The following PCDHGC3 variants were observed in gnomAD, a reference collection of about 807,000 sequenced individuals.
PCDHGC3 encodes protocadherin gamma-C3.
PCDHGC3 carries 26 observed loss-of-function variants against 59.2 expected under a neutral mutation model. That is an observed-to-expected ratio of 0.44 (90% confidence interval 0.32 to 0.61). The LOEUF is 0.61. PCDHGC3 is among the 20% of genes least tolerant of loss of function. The probability of loss-of-function intolerance (pLI) is 0.05; values close to 1 mark genes in which losing one functional copy is unlikely to be tolerated. For synonymous variants in PCDHGC3, 487 were observed against 519.7 expected (o/e 0.94, Z 0.86); for missense variants, 1,080 against 1,221.8 (o/e 0.88, Z 1.73).
Position 141,476,373 on chromosome 5 carries a change from T to C in PCDHGC3, c.257T>C (p.Met86Thr). 1 of 1,614,054 alleles carries C rather than the reference T, an allele frequency of 6.2e-7. No individual in the cohort carries two copies. Among genetic ancestry groups the C allele is most frequent in the Non-Finnish European group, 8.5e-7 (1 of 1,180,020 alleles). The change falls in exon 1 of 4, where the codon ATG becomes ACG. Residue 86 changes from methionine (M) to threonine (T), a missense_variant. Met to Thr is a moderately conservative substitution (Grantham distance 81). Transcript: ENST00000308177. This position sits in a 1 kb window ranked among gnomAD's most constrained non-coding sequence, Gnocchi z 7.6. ...GAGGTGAACCGGGAGACCGGAGAGA[T>C]GTTTGTGAACGACCGTCTGGATCGA... Reference protein sequence around the residue: ...FFEVNRETGEMFVNDRLDREE... With the variant: ...FFEVNRETGETFVNDRLDREE...
At chr5:141,505,767 AGGTCCTAGCTCT>A (rs2099848180) in intron 3 of PCDHGC3, among the ~76,000 whole-genome samples, 1 of 151,756 alleles carries the variant, frequency 6.6e-6, no homozygotes, top group Non-Finnish European at 1.5e-5. Context: ...AGTGTAGCTC[AGGTCCTAGCTCT>A]GCTACTATCC....
chr5:141,499,253 T>C (rs1189676230), intron 2 of PCDHGC3, among the ~76,000 whole-genome samples: 1 of 152,030 alleles, frequency 6.6e-6, no homozygotes, highest in Non-Finnish European at 1.5e-5. Context: ...ACAAAGAGTC[T>C]CCATTTGGTC....
Position 141,478,385 on chromosome 5 carries a change from T to C in PCDHGC3, c.2269T>C (p.Tyr757His), listed in dbSNP as rs919846683. ...GGGAGGCCTGATGTCGCCGCACCTT[T>C]ACCATCAGGTGTATCTCACCACGGA... The part of the protein sequence containing the change: ...VRGGLMSPHL[Y>H]HQVYLTTDSR... The change falls in exon 1 of 4, where the codon TAC becomes CAC. Residue 757 changes from tyrosine to histidine, a missense_variant. Coordinates refer to ENST00000308177, the MANE Select transcript of PCDHGC3 (RefSeq NM_002588.4). 6.2e-7 allele frequency: 1 copy of C among 1,613,628 alleles called. No homozygotes were observed. Among genetic ancestry groups the C allele is most frequent in the Non-Finnish European group, 8.5e-7 (1 of 1,180,016 alleles).
chr5:141,508,077 G>T (rs1166570509), intron 3 of PCDHGC3: 1 of 152,446 alleles, frequency 6.6e-6, no homozygotes, highest in Non-Finnish European at 1.5e-5. Context: ...GGCTACTCTG[G>T]AGTTGCTGCC....
rs573088236 is a variant in PCDHGC3, at chr5:141,489,279, G to A, written c.2431-5528G>A. On this transcript the variant is annotated intron_variant, in intron 1 of 3. Coordinates refer to ENST00000308177, the MANE Select transcript of PCDHGC3 (RefSeq NM_002588.4). This position sits in a 1 kb window ranked among gnomAD's most constrained non-coding sequence, Gnocchi z 4.5. Reference sequence around the variant, plus strand: ...CACTCCCACAGCTCGCTGGGAAATGGCAAGTGCTGTGCATGTTGTCCTTGT... The same window carrying A: ...CACTCCCACAGCTCGCTGGGAAATGACAAGTGCTGTGCATGTTGTCCTTGT... The A allele has an allele frequency of 6.4e-7, 1 of 1,562,030 alleles. No individual in the cohort carries two copies. Among genetic ancestry groups the A allele is most frequent in the East Asian group, 2.2e-5 (1 of 44,522 alleles).
chr5:141,478,307 G>T lies in PCDHGC3; in HGVS notation c.2191G>T (p.Val731Leu). The T allele has an allele frequency of 1.9e-6, 3 of 1,614,056 alleles. No homozygotes were observed. Among genetic ancestry groups the T allele is most frequent in the Non-Finnish European group, 2.5e-6 (3 of 1,180,032 alleles). ...GTCTAGAGACCTATACCGAGCCCCG[G>T]TGAGCTCACTGTACCGAACACCAGG... ...KQSRDLYRAP[V>L]SSLYRTPGPS... The change falls in exon 1 of 4, where the codon GTG becomes TTG. Residue 731 changes from valine to leucine, a missense_variant. Val to Leu is a conservative substitution (Grantham distance 32). Transcript: ENST00000308177.
Position 141,489,089 on chromosome 5 carries a change from A to G in PCDHGC3, c.2431-5718A>G. 5.6e-5 allele frequency: 16 copies of G among 284,404 alleles called. No individual in the cohort carries two copies. The highest frequency in any genetic ancestry group is 9.0e-5 in the Non-Finnish European group (14 of 156,416). The allele number at this position is 284,404 out of a possible 1,614,324, so 17.6% of individuals were successfully genotyped here. On this transcript the variant is annotated intron_variant, in intron 1 of 3. Coordinates refer to ENST00000308177, the MANE Select transcript of PCDHGC3 (RefSeq NM_002588.4). The surrounding 1 kb of genome is among the most constrained non-coding windows in gnomAD (Gnocchi z 4.5). ...CCCTGCCCACCCCCGCCACTCGGTG[A>G]CTAAGAACTGCTGCAAGCAGGCAAA...
intron 1 of PCDHGC3, among the ~76,000 whole-genome samples, chr5:141,481,300 GA>G (rs998363845): frequency 3.3e-5 from 5 of 152,248 alleles, no homozygotes; most frequent in African/African-American, 1.2e-4. Context: ...TCATCTAAGG[GA>G]AAAACCTTCC....
intron 2 of PCDHGC3, among the ~76,000 whole-genome samples, chr5:141,502,048 ACTTTATTCC>A (rs1055762924): frequency 6.6e-5 from 10 of 151,746 alleles, no homozygotes; most frequent in African/African-American, 2.4e-4. Context: ...TGCTCTCCCT[ACTTTATTCC>A]CATTAGCCCC....
rs775081505 is a variant in PCDHGC3 at position 141,486,730 on chromosome 5, T to C, written c.2431-8077T>C. ...ACCCCCAGACAGGAGCTGTTCATGC[T>C]ACTCGATCCTTTGACTATGAGCAAA... On this transcript the variant is annotated intron_variant, in intron 1 of 3. Coordinates refer to ENST00000308177, the MANE Select transcript of PCDHGC3 (RefSeq NM_002588.4). This position sits in a 1 kb window ranked among gnomAD's most constrained non-coding sequence, Gnocchi z 5.0. 1 of 1,614,120 alleles carries C rather than the reference T, an allele frequency of 6.2e-7. No homozygotes were observed. Among genetic ancestry groups the C allele is most frequent in the Non-Finnish European group, 8.5e-7 (1 of 1,180,050 alleles).
chr5:141,476,146 G>C lies in PCDHGC3; in HGVS notation c.30G>C (p.Leu10=). 1 of 1,611,402 alleles carries C rather than the reference G, an allele frequency of 6.2e-7. No individual in the cohort carries two copies. The change falls in exon 1 of 4, where the codon CTG becomes CTC. Residue 10 remains leucine (L), a synonymous_variant. Transcript: ENST00000308177. This position sits in a 1 kb window ranked among gnomAD's most constrained non-coding sequence, Gnocchi z 7.6. ...TCCCAGAGGCCTGGAGGAGCGGACT[G>C]GTAAGCACCGGGAGGGTAGTGGGAG... MVPEAWRSG[L]VSTGRVVGVL... is the part of the protein sequence containing the mutation.
In PCDHGC3 at chr5:141,488,566, A is replaced by T. The variant is rs1354931497; in HGVS notation, c.2431-6241A>T. On this transcript the variant is annotated intron_variant, in intron 1 of 3. Coordinates refer to ENST00000308177, the MANE Select transcript of PCDHGC3 (RefSeq NM_002588.4). ...TGTCAGCTGACATTGAGATTTCCGC[A>T]AAGCATTGCTGGAGAGTCAGGGCAA... 5.9e-5 allele frequency among the ~76,000 whole-genome samples: 9 copies of T among 152,324 alleles called. No individual in the cohort carries two copies. In the East Asian group the frequency reaches 1.5e-3, roughly 26 times the overall value.
rs766852982 is a variant in PCDHGC3, at chr5:141,486,907, A to G, written c.2431-7900A>G. ...CCCGGCCTGGTTCCTTATGTCCCCA[A>G]GCACTGCCTCCATCAGTTGGTGCTG... On this transcript the variant is annotated intron_variant, in intron 1 of 3. Coordinates refer to ENST00000308177, the MANE Select transcript of PCDHGC3 (RefSeq NM_002588.4). The surrounding 1 kb of genome is among the most constrained non-coding windows in gnomAD (Gnocchi z 5.0). 6.2e-5 allele frequency: 100 copies of G among 1,614,122 alleles called. No homozygotes were observed. The highest frequency in any genetic ancestry group is 8.0e-5 in the Non-Finnish European group (94 of 1,180,056).
rs761704779 is a variant in PCDHGC3 at position 141,486,764 on chromosome 5, C to T, written c.2431-8043C>T. ...CTTTGACTATGAGCAAACCCAGACA[C>T]TGCAGTTTGAGGTGCAGGCCCGGGA... On this transcript the variant is annotated intron_variant, in intron 1 of 3. Transcript: ENST00000308177. This position sits in a 1 kb window ranked among gnomAD's most constrained non-coding sequence, Gnocchi z 5.0. 6.2e-7 allele frequency: 1 copy of T among 1,614,264 alleles called. No homozygotes were observed. The highest frequency in any genetic ancestry group is 2.2e-5 in the East Asian group (1 of 44,880).
At position 141,486,837 on chromosome 5, in the gene PCDHGC3, T is replaced by G; in HGVS notation, c.2431-7970T>G. The G allele has an allele frequency of 6.2e-7, 1 of 1,614,256 alleles. No individual in the cohort carries two copies. The highest frequency in any genetic ancestry group is 8.5e-7 in the Non-Finnish European group (1 of 1,180,044). ...AGCACTGTAACAGTTCGTCTATTTG[T>G]GCTGGACCTCAATGACAATGCTCCA... On this transcript the variant is annotated intron_variant, in intron 1 of 3. Transcript: ENST00000308177. The surrounding 1 kb of genome is among the most constrained non-coding windows in gnomAD (Gnocchi z 5.0).
intron 3 of PCDHGC3, among the ~76,000 whole-genome samples, chr5:141,507,918 G>C (rs1409126707): frequency 6.6e-6 from 1 of 152,208 alleles, no homozygotes; most frequent in Non-Finnish European, 1.5e-5. Flanking sequence ...CAGGCCTGTG[G>C]GGCTGCTGAG....
chr5:141,489,151 AAG>A lies in PCDHGC3; in HGVS notation c.2431-5652_2431-5651del. ...TTTTTAAGAGGCTGGAAGGAGACAT[AAG>A]AGACTTCAGCTGCTGCATTCCAAGC... On this transcript the variant is annotated intron_variant, in intron 1 of 3. Coordinates refer to ENST00000308177, the MANE Select transcript of PCDHGC3 (RefSeq NM_002588.4). The surrounding 1 kb of genome is among the most constrained non-coding windows in gnomAD (Gnocchi z 4.5). The A allele has an allele frequency of 1.1e-6, 1 of 932,970 alleles. No homozygotes were observed. The highest frequency in any genetic ancestry group is 1.6e-6 in the Non-Finnish European group (1 of 622,054). 57.8% of individuals were successfully genotyped at this position (932,970 alleles called of 1,614,324 possible).
Position 141,478,414 on chromosome 5 carries a change from C to T in PCDHGC3, c.2298C>T (p.Ser766=). 6.2e-7 allele frequency: 1 copy of T among 1,613,630 alleles called. No homozygotes were observed. The highest frequency in any genetic ancestry group is 8.5e-7 in the Non-Finnish European group (1 of 1,180,014). The change falls in exon 1 of 4, where the codon TCC becomes TCT. Residue 766 remains serine (S), a synonymous_variant. Transcript: ENST00000308177. ...LYHQVYLTTD[S]RRSDPLLKKP... ...ATCAGGTGTATCTCACCACGGACTC[C>T]CGCCGCAGCGACCCGCTGCTGAAGA...
rs1457765340 is a variant in PCDHGC3 at position 141,491,122 on chromosome 5, G to GT, written c.2431-3684dup. 1 of 1,614,058 alleles carries GT rather than the reference G, an allele frequency of 6.2e-7. No homozygotes were observed. Among genetic ancestry groups the GT allele is most frequent in the Non-Finnish European group, 8.5e-7 (1 of 1,180,036 alleles). Reference sequence around the variant, plus strand: ...CCTCGTGTCTACACACACTGGTGAGGTGCGCACAGCCCGGGCCTTACTGGA... The same window carrying GT: ...CCTCGTGTCTACACACACTGGTGAGGTTGCGCACAGCCCGGGCCTTACTGGA... On this transcript the variant is annotated intron_variant, in intron 1 of 3. Coordinates refer to ENST00000308177, the MANE Select transcript of PCDHGC3 (RefSeq NM_002588.4). The surrounding 1 kb of genome is among the most constrained non-coding windows in gnomAD (Gnocchi z 6.9).
Sources: allele counts gnomAD v4.1 joint callset (sites outside exome capture counted in the v4.1 genomes callset), GRCh38; gene constraint gnomAD v4.1.1; non-coding constraint Gnocchi (gnomAD v3.1); transcripts MANE v1.5; gene names NCBI Gene and HGNC (gene_info 2026-07-23, HGNC 2026-07-21).